LPCAT2: variants seen among roughly 807,000 people sequenced by gnomAD.
The protein encoded by LPCAT2 is 1-AGP acyltransferase 11.
Under a neutral mutation model 64.7 loss-of-function variants are expected in LPCAT2, and 58 were observed. The observed-to-expected ratio is 0.90, with a 90% confidence interval of 0.73 to 1.12. LPCAT2 has a LOEUF of 1.12. Among genes scored for constraint, LPCAT2 ranks in the 50% most tolerant of loss-of-function variants. LPCAT2 has a pLI of 0.00. For synonymous variants in LPCAT2, 252 were observed against 245.3 expected, an observed-to-expected ratio of 1.03 and a Z score of -0.26; for missense variants, 579 against 669.8, an observed-to-expected ratio of 0.86 and a Z score of 1.50.
chr16:55,536,426 A>G (rs533936487), intron 7 of LPCAT2, among the ~76,000 whole-genome samples: 1 of 152,324 alleles, frequency 6.6e-6, no homozygotes, highest in East Asian at 1.9e-4. Context: ...GCTCCATTTA[A>G]ATAATTAAAA....
At chr16:55,513,715 A>G (rs1962967098) in intron 1 of LPCAT2, among the ~76,000 whole-genome samples, 1 of 152,182 alleles carries the variant, frequency 6.6e-6, no homozygotes, top group Non-Finnish European at 1.5e-5. Context: ...TCATAATGAA[A>G]ACCAGCAACC....
chr16:55,511,151 A>G (rs1363891052), intron 1 of LPCAT2, among the ~76,000 whole-genome samples: 3 of 152,200 alleles, frequency 2.0e-5, no homozygotes, highest in African/African-American at 7.2e-5. Flanking sequence ...ATTAAGTGAA[A>G]TAATCTGTTA....
chr16:55,558,819 C>T (rs1455013009), intron 11 of LPCAT2, among the ~76,000 whole-genome samples: 4 of 152,122 alleles, frequency 2.6e-5, no homozygotes, highest in Non-Finnish European at 5.9e-5. Context: ...AGCTGTAGTT[C>T]GCTGGTCCCT....
At chr16:55,574,564 C>T (rs1596888834) in intron 11 of LPCAT2, 67 bp from the exon 12 acceptor site, 1 of 1,086,608 alleles carries the variant, frequency 9.2e-7, no homozygotes, top group East Asian at 2.4e-5. Context: ...TGAATTTTAC[C>T]TTGTAGTAGG....
intron 1 of LPCAT2, among the ~76,000 whole-genome samples, chr16:55,516,627 C>G (rs1963015663): frequency 6.6e-6 from 1 of 152,054 alleles, no homozygotes; most frequent in African/African-American, 2.4e-5. Flanking sequence ...CATCTAGCAG[C>G]AGAGTCCAGA....
rs1272542824 is a variant in LPCAT2 at position 55,515,155 on chromosome 16, C to A, written c.171+5803C>A. 5.3e-5 allele frequency among the ~76,000 whole-genome samples: 8 copies of A among 151,876 alleles called. No individual in the cohort carries two copies. In the East Asian group the frequency reaches 1.5e-3, roughly 29 times the overall value. ...GAAAGAATATTAGAAGAAATAATGC[C>A]CAAAAACTTGCTGATTTTGATTAAA... On this transcript the variant is annotated intron_variant, in intron 1 of 13. Coordinates refer to ENST00000262134, the MANE Select transcript of LPCAT2 (RefSeq NM_017839.5).
intron 10 of LPCAT2, 55 bp from the exon 11 acceptor site, chr16:55,550,894 G>T: frequency 3.9e-6 from 5 of 1,296,554 alleles, no homozygotes; most frequent in South Asian, 4.0e-5. Flanking sequence ...CATAAAATGT[G>T]CATGTGAATT....
At chr16:55,534,523 G>A (rs755602613) in intron 7 of LPCAT2, 46 bp downstream of exon 7, 2 of 932,482 alleles carry the variant, frequency 2.1e-6, no homozygotes, top group South Asian at 1.9e-5. Context: ...TTTTATTTTA[G>A]TGAAGAAAAA....
In LPCAT2 at chr16:55,528,541, G is replaced by A; in HGVS notation, c.476G>A (p.Gly159Glu). 6.2e-7 allele frequency: 1 copy of A among 1,613,826 alleles called. No individual in the cohort carries two copies. Among genetic ancestry groups the A allele is most frequent in the East Asian group, 2.2e-5 (1 of 44,852 alleles). The change falls in exon 3 of 14, where the codon GGG (glycine) becomes GAG (glutamate). Residue 159 changes from glycine (G) to glutamate (E), a missense_variant. Coordinates refer to ENST00000262134, the MANE Select transcript of LPCAT2 (RefSeq NM_017839.5). ...GATGGAATTGCCTGTGTTGTAGCTG[G>A]GTTACCTTCTATGGTATCTCGAAAT... ...FFDGIACVVAGLPSMVSRNEN... is the reference protein window; with the variant it reads ...FFDGIACVVAELPSMVSRNEN...
chr16:55,552,343 C>T (rs1430930807), intron 11 of LPCAT2, among the ~76,000 whole-genome samples: 1 of 152,068 alleles, frequency 6.6e-6, no homozygotes, highest in Non-Finnish European at 1.5e-5. Flanking sequence ...TATCTATTCC[C>T]TAGTTGAGGA....
chr16:55,518,709 A>G (rs1261626264), intron 1 of LPCAT2, among the ~76,000 whole-genome samples: 1 of 152,250 alleles, frequency 6.6e-6, no homozygotes, highest in Admixed American at 6.5e-5. Context: ...ATGGTCTGGG[A>G]CAATTGGATT....
In LPCAT2 at chr16:55,583,883, A is replaced by G. The variant is rs915409549; in HGVS notation, c.*785A>G. Reference sequence around the variant, plus strand: ...TTTTTAGTAGCCATGTGGTTTTGCCATGTTGGCCAGGCTGGTTTCGAACTC... The same window carrying G: ...TTTTTAGTAGCCATGTGGTTTTGCCGTGTTGGCCAGGCTGGTTTCGAACTC... On this transcript the variant is annotated 3_prime_UTR_variant, in exon 14 of 14. Transcript: ENST00000262134. 6.6e-6 allele frequency: 1 copy of G among 152,124 alleles called. No homozygotes were observed. The highest frequency in any genetic ancestry group is 2.1e-4 in the South Asian group (1 of 4,820). 9.4% of individuals were successfully genotyped at this position (152,124 alleles called of 1,614,324 possible).
chr16:55,563,878 G>A (rs1402486770), intron 11 of LPCAT2, among the ~76,000 whole-genome samples: 1 of 151,726 alleles, frequency 6.6e-6, no homozygotes, highest in Non-Finnish European at 1.5e-5. Context: ...GAAATAAGAG[G>A]CATATGAAAT....
rs997858187 is a variant in LPCAT2, at chr16:55,583,227, A to T, written c.*129A>T. On this transcript the variant is annotated 3_prime_UTR_variant, in exon 14 of 14. Transcript: ENST00000262134. ...AAGATTTTTAAAACAAAAATGATAGATTTTCTTACTAAAAATGTTTTTATT... is the reference window on the plus strand; with the variant it reads ...AAGATTTTTAAAACAAAAATGATAGTTTTTCTTACTAAAAATGTTTTTATT... 1.5e-5 allele frequency: 11 copies of T among 725,950 alleles called. No homozygotes were observed. In the African/African-American group the frequency reaches 1.8e-4, roughly 12 times the overall value. 45.0% of individuals were successfully genotyped at this position (725,950 alleles called of 1,614,324 possible). A position where few individuals can be genotyped will look rare whatever the true frequency, so the allele number is the denominator to read the frequency against.
chr16:55,560,563 A>G (rs1198143724), intron 11 of LPCAT2, among the ~76,000 whole-genome samples: 1 of 152,140 alleles, frequency 6.6e-6, no homozygotes, highest in Non-Finnish European at 1.5e-5. Context: ...ATAAAAAGGT[A>G]TAGGCACCAG....
At chr16:55,566,133 A>T (rs1963693280) in intron 11 of LPCAT2, among the ~76,000 whole-genome samples, 1 of 152,182 alleles carries the variant, frequency 6.6e-6, no homozygotes, top group South Asian at 2.1e-4. Flanking sequence ...TTCAAAAAAG[A>T]TTTTAGCAAT....
rs766311595 is a variant in LPCAT2 at position 55,531,896 on chromosome 16, T to A, written c.643-18T>A. On this transcript the variant is annotated intron_variant, in intron 4 of 13. Transcript: ENST00000262134. The stretch of plus-strand genomic sequence containing the variant: ...ATTAATTAGATTGAAATATTAAATC[T>A]ATTCCTTTTTTCCCAAGATACTAGT... 8 of 1,477,222 alleles carry A rather than the reference T, an allele frequency of 5.4e-6. No homozygotes were observed. The highest frequency in any genetic ancestry group is 1.7e-4 in the Middle Eastern group (1 of 5,794). The allele number at this position is 1,477,222 out of a possible 1,614,324, so 91.5% of individuals were successfully genotyped here. A position where few individuals can be genotyped will look rare whatever the true frequency, so the allele number is the denominator to read the frequency against.
At chr16:55,539,626 G>A (rs1963371661) in intron 8 of LPCAT2, 1 of 152,006 alleles carries the variant, frequency 6.6e-6, no homozygotes, top group Non-Finnish European at 1.5e-5. Flanking sequence ...CAGCCCTTCA[G>A]GCACTAAGTA....
chr16:55,561,648 G>A (rs972752198), intron 11 of LPCAT2, among the ~76,000 whole-genome samples: 1 of 151,860 alleles, frequency 6.6e-6, no homozygotes, highest in Admixed American at 6.6e-5. Context: ...TATGACAGTC[G>A]ATATTATCAA....
Sources: allele counts gnomAD v4.1 joint callset (sites outside exome capture counted in the v4.1 genomes callset), GRCh38; gene constraint gnomAD v4.1.1; transcripts MANE v1.5; gene names NCBI Gene and HGNC (gene_info 2026-07-23, HGNC 2026-07-21).